C4orf33: variants seen among roughly 807,000 people sequenced by gnomAD.
C4orf33 encodes chromosome 4 open reading frame 33, also known as UPF0462 protein C4orf33.
C4orf33 carries 20 observed loss-of-function variants against 24.3 expected under a neutral mutation model. That is an observed-to-expected ratio of 0.82 (90% CI 0.58 to 1.19). The LOEUF is 1.19. Ranked by LOEUF, C4orf33 falls within the 50% of genes most tolerant of loss-of-function variation. C4orf33 has a pLI of 0.00. For missense variants in C4orf33, 207 were observed against 225.9 expected, an observed-to-expected ratio of 0.92 and a Z score of 0.54; for synonymous variants, 67 against 76.4, an observed-to-expected ratio of 0.88 and a Z score of 0.64.
upstream of C4orf33, among the ~76,000 whole-genome samples, chr4:129,095,618 T>G (rs1753184967): frequency 6.6e-6 from 1 of 152,206 alleles, no homozygotes; most frequent in Non-Finnish European, 1.5e-5. Flanking sequence ...TAACATTCAT[T>G]TGGTTGATCA....
At chr4:129,103,440 C>A (rs1753423523) in intron 2 of C4orf33, among the ~76,000 whole-genome samples, 1 of 152,162 alleles carries the variant, frequency 6.6e-6, no homozygotes. Context: ...TCTAACATTA[C>A]AAATCTTCTT....
chr4:129,106,693 C>A, intron 3 of C4orf33, 46 bp downstream of exon 3: 1 of 998,988 alleles, frequency 1.0e-6, no homozygotes, highest in Non-Finnish European at 1.5e-6. Context: ...ATAATTTGAA[C>A]GTGTTATTTT....
intron 2 of C4orf33, among the ~76,000 whole-genome samples, chr4:129,105,989 G>C (rs1272527977): frequency 1.3e-5 from 2 of 152,102 alleles, no homozygotes; most frequent in African/African-American, 4.8e-5. Context: ...TTTGGTTGCT[G>C]TTCTGCAGCT....
rs753130036 is a variant in C4orf33 at position 129,102,596 on chromosome 4, T to A, written c.-9-6T>A. 1.9e-6 allele frequency: 3 copies of A among 1,577,888 alleles called. 1 individual carries two copies. The South Asian group carries it at 3.5e-5, about 18-fold the overall frequency. ...AAAGAGTTTGTTTTAACATATTTTC[T>A]TTTAGAGACTTCAGATGGATTTTAA... On this transcript the variant is annotated splice_polypyrimidine_tract_variant and splice_region_variant and intron_variant, in intron 1 of 5. Transcript: ENST00000425929.
At chr4:129,096,636 A>C (rs1753215576) in intron 1 of C4orf33, among the ~76,000 whole-genome samples, 1 of 152,160 alleles carries the variant, frequency 6.6e-6, no homozygotes, top group African/African-American at 2.4e-5. Flanking sequence ...TTTCCAGGTA[A>C]AGATAAAGCA....
intron 2 of C4orf33, among the ~76,000 whole-genome samples, chr4:129,105,628 A>T (rs1251094570): frequency 6.6e-6 from 1 of 152,222 alleles, no homozygotes; most frequent in African/African-American, 2.4e-5. Flanking sequence ...TCCATAAAGG[A>T]TTAAGTGAGT....
chr4:129,093,721 C>A (rs1056395495), upstream of C4orf33: 8 of 153,238 alleles, frequency 5.2e-5, no homozygotes, highest in Admixed American at 2.0e-4. Context: ...TGACAGCGGG[C>A]TGAGCCACCG....
chr4:129,098,864 T>G (rs1753274975), intron 1 of C4orf33, among the ~76,000 whole-genome samples: 1 of 143,510 alleles, frequency 7.0e-6, no homozygotes, highest in Non-Finnish European at 1.5e-5. Flanking sequence ...ATGGCATTTG[T>G]AAACTGTCAT....
rs1753761466 is a variant in C4orf33 at position 129,115,698 on chromosome 4, A to G, written c.*3907A>G. On this transcript the variant is annotated 3_prime_UTR_variant, in exon 6 of 6. Coordinates refer to ENST00000425929, the MANE Select transcript of C4orf33 (RefSeq NM_001099783.2). ...TCCTTAGAATCACATTCCAAAATTA[A>G]TGCACTGCACACAACCCTCTGCTTT... 6.6e-6 allele frequency: 1 copy of G among 151,612 alleles called. No homozygotes were observed. Among genetic ancestry groups the G allele is most frequent in the Non-Finnish European group, 1.5e-5 (1 of 67,936 alleles). 9.4% of individuals were successfully genotyped at this position (151,612 alleles called of 1,614,324 possible). A position where few individuals can be genotyped will look rare whatever the true frequency, so the allele number is the denominator to read the frequency against.
intron 1 of C4orf33, among the ~76,000 whole-genome samples, chr4:129,098,568 G>T (rs748928302): frequency 3.3e-5 from 5 of 152,230 alleles, no homozygotes; most frequent in African/African-American, 1.2e-4. Context: ...GGAAAGCCCA[G>T]ATTTGGGGCT....
At chr4:129,105,898 A>G (rs1753502932) in intron 2 of C4orf33, among the ~76,000 whole-genome samples, 1 of 152,210 alleles carries the variant, frequency 6.6e-6, no homozygotes, top group Non-Finnish European at 1.5e-5. Flanking sequence ...GCAATCACAG[A>G]TATGCAGTCA....
chr4:129,093,979 G>C (rs1410016788), upstream of C4orf33: 1 of 152,212 alleles, frequency 6.6e-6, no homozygotes, highest in Non-Finnish European at 1.5e-5. Flanking sequence ...CTCCCACCAA[G>C]GCTGTACCTC....
chr4:129,106,531 T>C, intron 2 of C4orf33, 56 bp from the exon 3 acceptor site: 1 of 840,308 alleles, frequency 1.2e-6, no homozygotes. Flanking sequence ...ATAAATTATT[T>C]ATTGTTGGAA....
chr4:129,098,843 T>C (rs1242903031), intron 1 of C4orf33, among the ~76,000 whole-genome samples: 1 of 152,010 alleles, frequency 6.6e-6, no homozygotes, highest in African/African-American at 2.4e-5. Context: ...AGGTAACTTC[T>C]AGGAGTTGCC....
Position 129,111,713 on chromosome 4 carries a change from C to CA in C4orf33, c.524dup (p.Asn175LysfsTer3). 2 of 1,612,094 alleles carry CA rather than the reference C, an allele frequency of 1.2e-6. No homozygotes were observed. Among genetic ancestry groups the CA allele is most frequent in the Non-Finnish European group, 1.7e-6 (2 of 1,178,648 alleles). On this transcript the variant is annotated frameshift_variant, in exon 6 of 6. Transcript: ENST00000425929. LOFTEE classifies it high-confidence loss of function. ...ATTGCCTAGAATACTTCAAGTCTTT[C>CA]AATTTTAACACACTGCTTGGAGAAG...
intron 2 of C4orf33, among the ~76,000 whole-genome samples, chr4:129,105,520 A>C (rs998629883): frequency 1.3e-5 from 2 of 152,200 alleles, no homozygotes; most frequent in African/African-American, 2.4e-5. Context: ...AAAAAGGGAC[A>C]ATAAGATTCT....
At chr4:129,101,913 G>A (rs1357408397) in intron 1 of C4orf33, among the ~76,000 whole-genome samples, 3 of 152,144 alleles carry the variant, frequency 2.0e-5, no homozygotes, top group Admixed American at 6.5e-5. Context: ...AAAACTGAAA[G>A]TGTATATGCT....
rs1268560601 is a variant in C4orf33 at position 129,116,629 on chromosome 4, A to G, written c.*4838A>G. On this transcript the variant is annotated 3_prime_UTR_variant, in exon 6 of 6. Transcript: ENST00000425929. ...CATTCAGAGAAATAAAAATTATGCT[A>G]AAAACAAACGTATGTTTTTGAATTA... The G allele has an allele frequency of 6.6e-6, 1 of 152,242 alleles. No individual in the cohort carries two copies. Among genetic ancestry groups the G allele is most frequent in the Non-Finnish European group, 1.5e-5 (1 of 68,040 alleles). The allele number at this position is 152,242 out of a possible 1,614,324, so 9.4% of individuals were successfully genotyped here.
chr4:129,101,609 G>A (rs1364762327), intron 1 of C4orf33, among the ~76,000 whole-genome samples: 2 of 152,044 alleles, frequency 1.3e-5, no homozygotes, highest in Non-Finnish European at 2.9e-5. Context: ...GGACAAATCT[G>A]TTCCATTTGT....
Sources: gnomAD v4.1 joint callset for allele counts (sites outside exome capture counted in the v4.1 genomes callset) on GRCh38, gnomAD v4.1.1 for gene constraint, MANE v1.5 for transcripts, NCBI Gene and HGNC (gene_info 2026-07-23, HGNC 2026-07-21) for gene names.